Variants in VPS13B observed in about 807,000 individuals in gnomAD.
VPS13B encodes the protein vacuolar protein sorting 13 homolog B.
Under a neutral mutation model 426.4 loss-of-function variants are expected in VPS13B, and 285 were observed. The observed-to-expected ratio is 0.67, with a 90% CI of 0.61 to 0.74. The LOEUF (loss-of-function observed/expected upper bound fraction) is 0.74, where lower values mean the gene tolerates loss of function less well. VPS13B is among the 30% of genes least tolerant of loss of function. The probability of loss-of-function intolerance (pLI) is 0.00; values close to 1 mark genes in which losing one functional copy is unlikely to be tolerated. For synonymous variants in VPS13B, 1,676 were observed against 1,676.4 expected, an observed-to-expected ratio of 1.00 and a Z score of 0.01; for missense variants, 4,537 against 4,782.6, an observed-to-expected ratio of 0.95 and a Z score of 1.51.
intron 17 of VPS13B, among the ~76,000 whole-genome samples, chr8:99,264,359 T>C (rs1818198238): frequency 6.6e-6 from 1 of 152,124 alleles, no homozygotes; most frequent in Non-Finnish European, 1.5e-5. Context: ...ATGTTACTCT[T>C]TCTTGATTTA....
At chr8:99,016,001 T>A (rs561261954) in intron 2 of VPS13B, among the ~76,000 whole-genome samples, 1 of 152,342 alleles carries the variant, frequency 6.6e-6, no homozygotes, top group Non-Finnish European at 1.5e-5. Flanking sequence ...CTCAAAAAAA[T>A]TGGAATCATT....
chr8:99,850,369 A>G (rs1037667926), intron 55 of VPS13B, among the ~76,000 whole-genome samples: 1 of 149,330 alleles, frequency 6.7e-6, no homozygotes, highest in African/African-American at 2.6e-5. Flanking sequence ...GTACGCATGT[A>G]TGTACTTATA....
chr8:99,809,079 A>C (rs1443777244), intron 43 of VPS13B, among the ~76,000 whole-genome samples: 1 of 152,218 alleles, frequency 6.6e-6, no homozygotes, highest in Non-Finnish European at 1.5e-5. Flanking sequence ...TTTGTCCTCC[A>C]GATGAATGAA....
rs1829260236 is a variant in VPS13B, at chr8:99,640,022, TAATAA to T, written c.5221-1788_5221-1784del. On this transcript the variant is annotated intron_variant, in intron 33 of 61. Coordinates refer to ENST00000357162, the MANE Select transcript of VPS13B (RefSeq NM_152564.5). ...ATAATAATAATAATAATAATAATAA[TAATAA>T]GAAGAAGAAGAAGAAGAAGAAGAGA... Among the ~76,000 whole-genome samples the T allele has an allele frequency of 3.4e-5, 3 of 89,408 alleles. 1 individual carries two copies. 58.7% of individuals were successfully genotyped at this position (89,408 alleles called of 152,430 possible). A position where few individuals can be genotyped will look rare whatever the true frequency, so the allele number is the denominator to read the frequency against.
chr8:99,717,097 A>G, intron 36 of VPS13B, 74 bp from the exon 37 acceptor site: 1 of 1,413,908 alleles, frequency 7.1e-7, no homozygotes, highest in South Asian at 1.2e-5. Flanking sequence ...ACTCTTCAAA[A>G]ATATAGATAG....
At chr8:99,666,605 A>G (rs1214372004) in intron 35 of VPS13B, among the ~76,000 whole-genome samples, 2 of 152,228 alleles carry the variant, frequency 1.3e-5, no homozygotes, top group Admixed American at 6.5e-5. Flanking sequence ...ACAAAATTCA[A>G]CAACCCTTCA....
chr8:99,183,270 T>A (rs1813042594), intron 16 of VPS13B, among the ~76,000 whole-genome samples: 1 of 152,258 alleles, frequency 6.6e-6, no homozygotes, highest in Non-Finnish European at 1.5e-5. Context: ...GCCCCGCTGC[T>A]GCTCTATTGA....
chr8:99,109,182 T>C (rs1323200237), intron 5 of VPS13B, among the ~76,000 whole-genome samples: 1 of 152,162 alleles, frequency 6.6e-6, no homozygotes, highest in East Asian at 1.9e-4. Context: ...TGATGAATAA[T>C]ATTTTACTGA....
chr8:99,138,676 T>C (rs1015883577), intron 12 of VPS13B, among the ~76,000 whole-genome samples: 1 of 152,244 alleles, frequency 6.6e-6, no homozygotes, highest in African/African-American at 2.4e-5. Flanking sequence ...ACTGTGGACA[T>C]TGAAGTGTAA....
intron 31 of VPS13B, among the ~76,000 whole-genome samples, chr8:99,572,960 A>G (rs1459090122): frequency 6.6e-6 from 1 of 152,132 alleles, no homozygotes; most frequent in Non-Finnish European, 1.5e-5. Flanking sequence ...CCTCTCCAGC[A>G]CCTGTTGTTT....
chr8:99,068,210 TC>T (rs1234009151), intron 3 of VPS13B, among the ~76,000 whole-genome samples: 5 of 152,236 alleles, frequency 3.3e-5, no homozygotes, highest in African/African-American at 1.2e-4. Context: ...AAATACCTTG[TC>T]TTCTTTCCAG....
chr8:99,143,227 A>C, intron 13 of VPS13B, 62 bp downstream of exon 13: 1 of 1,603,812 alleles, frequency 6.2e-7, no homozygotes, highest in South Asian at 1.1e-5. Context: ...TATATAATCC[A>C]ATTTGTGTTG....
chr8:99,045,702 C>T (rs1424191318), intron 3 of VPS13B, among the ~76,000 whole-genome samples: 1 of 152,152 alleles, frequency 6.6e-6, no homozygotes, highest in African/African-American at 2.4e-5. Context: ...GTCCTTGATC[C>T]ATCTTGAGTT....
At chr8:99,642,994 C>G (rs565710436) in intron 34 of VPS13B, among the ~76,000 whole-genome samples, 16 of 152,286 alleles carry the variant, frequency 1.1e-4, no homozygotes, top group Admixed American at 3.3e-4. Context: ...TTTTGTACAT[C>G]TACAGAAAAT....
chr8:99,829,758 G>A (rs1013226290), intron 51 of VPS13B, among the ~76,000 whole-genome samples: 1 of 152,158 alleles, frequency 6.6e-6, no homozygotes, highest in African/African-American at 2.4e-5. Flanking sequence ...CTTTGATGCT[G>A]GTGACCTTCA....
At chr8:99,573,514 A>G (rs1043352573) in intron 31 of VPS13B, among the ~76,000 whole-genome samples, 1 of 152,236 alleles carries the variant, frequency 6.6e-6, no homozygotes, top group Admixed American at 6.5e-5. Flanking sequence ...AGCTTTCTAC[A>G]TATGGCTAGC....
intron 27 of VPS13B, among the ~76,000 whole-genome samples, chr8:99,503,637 GA>G (rs1821349789): frequency 6.6e-6 from 1 of 152,200 alleles, no homozygotes; most frequent in African/African-American, 2.4e-5. Context: ...TGCATCTCCA[GA>G]AACCACTTTC....
At chr8:99,734,005 CTT>C (rs967768423) in intron 39 of VPS13B, among the ~76,000 whole-genome samples, 10 of 152,144 alleles carry the variant, frequency 6.6e-5, no homozygotes, top group Non-Finnish European at 7.4e-5. Context: ...ACTTAGGACT[CTT>C]TAGCTTTCAC....
chr8:99,223,575 A>C (rs1815850123), intron 17 of VPS13B, among the ~76,000 whole-genome samples: 1 of 152,172 alleles, frequency 6.6e-6, no homozygotes, highest in Non-Finnish European at 1.5e-5. Flanking sequence ...GTACTCTGAC[A>C]GTGTCTGACC....
Sources: allele counts gnomAD v4.1 joint callset (sites outside exome capture counted in the v4.1 genomes callset), GRCh38; gene constraint gnomAD v4.1.1; transcripts MANE v1.5; gene names NCBI Gene and HGNC (gene_info 2026-07-23, HGNC 2026-07-21).